CDK14: variants seen among roughly 807,000 people sequenced by gnomAD.
CDK14 encodes cyclin-dependent kinase 14.
A neutral mutation model predicts 60.7 loss-of-function variants in CDK14; 34 were observed. The observed-to-expected ratio is 0.56, with a 90% confidence interval of 0.43 to 0.75. The LOEUF is 0.75. CDK14 is among the 30% of genes least tolerant of loss of function. CDK14 has a pLI of 0.00. For missense variants in CDK14, 482 were observed against 564.1 expected, an observed-to-expected ratio of 0.85 and a Z score of 1.47; for synonymous variants, 197 against 203.7, an observed-to-expected ratio of 0.97 and a Z score of 0.28.
intron 4 of CDK14, among the ~76,000 whole-genome samples, chr7:90,778,846 A>ACTT (rs1554335031): frequency 1.4e-4 from 18 of 127,864 alleles, no homozygotes; most frequent in African/African-American, 5.2e-4. Flanking sequence ...AAATTGACCG[A>ACTT]CCTTCCTTCC....
At chr7:90,841,515 G>A (rs1035840513) in intron 5 of CDK14, among the ~76,000 whole-genome samples, 7 of 151,866 alleles carry the variant, frequency 4.6e-5, no homozygotes, top group Admixed American at 6.6e-5. Context: ...AATTTGGGGT[G>A]GTAACTAAAC....
At chr7:90,778,828 G>T (rs1183644481) in intron 4 of CDK14, among the ~76,000 whole-genome samples, 1 of 148,778 alleles carries the variant, frequency 6.7e-6, no homozygotes, top group Non-Finnish European at 1.5e-5. Flanking sequence ...CTTTCCTGTG[G>T]AATGTAAAAA....
At chr7:91,157,056 C>T (rs373328546) in intron 14 of CDK14, among the ~76,000 whole-genome samples, 20 of 152,154 alleles carry the variant, frequency 1.3e-4, no homozygotes, top group South Asian at 2.1e-4. Flanking sequence ...AACAGGGAAA[C>T]GTGGAAAAAG....
chr7:90,828,701 A>T (rs1315851000), intron 5 of CDK14, among the ~76,000 whole-genome samples: 1 of 152,156 alleles, frequency 6.6e-6, no homozygotes, highest in South Asian at 2.1e-4. Flanking sequence ...TTACCCACTG[A>T]CAGAACTGTA....
intron 12 of CDK14, among the ~76,000 whole-genome samples, chr7:91,102,146 GTGCAC>G (rs1799162533): frequency 6.6e-6 from 1 of 152,152 alleles, no homozygotes; most frequent in Non-Finnish European, 1.5e-5. Context: ...CCACAGAGAT[GTGCAC>G]TGTCAATTGA....
rs532681110 is a variant in CDK14, at chr7:91,171,305, G to T, written c.*29-35860G>T. Among the ~76,000 whole-genome samples the T allele has an allele frequency of 1.9e-4, 29 of 152,002 alleles. No homozygotes were observed. The East Asian group carries it at 5.3e-3, about 28-fold the overall frequency. ...GTGGAGCTTGCAGTGAGCCGAGATC[G>T]CGCCACTGCACTCCAGCCTGGGTGA... On this transcript the variant is annotated intron_variant, in intron 14 of 14. Transcript: ENST00000380050.
At chr7:90,681,762 C>CTA (rs1801323788) in intron 2 of CDK14, among the ~76,000 whole-genome samples, 1 of 152,096 alleles carries the variant, frequency 6.6e-6, no homozygotes, top group Non-Finnish European at 1.5e-5. Context: ...GACTTCAGCC[C>CTA]TAGTGTCTTT....
chr7:90,840,920 G>T (rs1334482736), intron 5 of CDK14, among the ~76,000 whole-genome samples: 1 of 151,856 alleles, frequency 6.6e-6, no homozygotes, highest in Non-Finnish European at 1.5e-5. Context: ...CATTGTGTCT[G>T]TTTAAAGTGC....
intron 2 of CDK14, among the ~76,000 whole-genome samples, chr7:90,686,385 A>T (rs1801436852): frequency 6.6e-6 from 1 of 152,202 alleles, no homozygotes; most frequent in Admixed American, 6.5e-5. Flanking sequence ...GTCTTGGATC[A>T]TTACCATGTC....
At chr7:90,959,497 G>T (rs1015874425) in intron 9 of CDK14, among the ~76,000 whole-genome samples, 31 of 152,246 alleles carry the variant, frequency 2.0e-4, no homozygotes, top group Middle Eastern at 3.4e-3. Flanking sequence ...TTGAGTCATG[G>T]CTCAGCTGCA....
At chr7:91,101,491 G>A (rs1799144753) in intron 12 of CDK14, among the ~76,000 whole-genome samples, 1 of 152,202 alleles carries the variant, frequency 6.6e-6, no homozygotes, top group Non-Finnish European at 1.5e-5. Flanking sequence ...AAGTGAATAA[G>A]TATTGAGTAT....
At chr7:90,889,735 A>T (rs926636883) in intron 6 of CDK14, among the ~76,000 whole-genome samples, 1 of 152,220 alleles carries the variant, frequency 6.6e-6, no homozygotes, top group African/African-American at 2.4e-5. Context: ...GCTTAAAACC[A>T]GGTAAAAATA....
At chr7:90,839,718 A>G (rs908540235) in intron 5 of CDK14, among the ~76,000 whole-genome samples, 2 of 152,198 alleles carry the variant, frequency 1.3e-5, no homozygotes, top group Non-Finnish European at 2.9e-5. Context: ...TTTCTCTAGT[A>G]TAAACTATTG....
intron 12 of CDK14, among the ~76,000 whole-genome samples, chr7:91,111,122 C>T (rs117268022): frequency 0.021 from 3,202 of 152,250 alleles, 51 homozygotes; most frequent in Middle Eastern, 0.058. Flanking sequence ...ACATTGAACC[C>T]ATTTGTGAGG....
At chr7:90,958,312 T>C (rs1215767379) in intron 9 of CDK14, among the ~76,000 whole-genome samples, 4 of 152,178 alleles carry the variant, frequency 2.6e-5, no homozygotes, top group Non-Finnish European at 5.9e-5. Context: ...CATGAGAACG[T>C]ATTTATTTTT....
chr7:90,612,024 G>A (rs1436642113), intron 2 of CDK14, among the ~76,000 whole-genome samples: 1 of 151,866 alleles, frequency 6.6e-6, no homozygotes, highest in Non-Finnish European at 1.5e-5. Context: ...GTAGAGACGG[G>A]GTTTCACCAG....
At chr7:90,747,916 T>G (rs76785739) in intron 4 of CDK14, 141 bp downstream of exon 4, 29 of 261,950 alleles carry the variant, frequency 1.1e-4, no homozygotes, top group Non-Finnish European at 1.5e-4. Flanking sequence ...TTTTTTTTTT[T>G]GGCAAGTGTG....
At chr7:90,859,116 C>A (rs1790922589) in intron 5 of CDK14, among the ~76,000 whole-genome samples, 1 of 152,186 alleles carries the variant, frequency 6.6e-6, no homozygotes, top group East Asian at 1.9e-4. Context: ...TCCTCTCTAC[C>A]ATAGTTAGTG....
chr7:90,634,292 C>T (rs1316900932), intron 2 of CDK14, among the ~76,000 whole-genome samples: 1 of 111,210 alleles, frequency 9.0e-6, no homozygotes, highest in African/African-American at 3.4e-5. Context: ...CCCCTCCCCC[C>T]ACCCCACAGC....
Sources: gnomAD v4.1 joint callset for allele counts (sites outside exome capture counted in the v4.1 genomes callset) on GRCh38, gnomAD v4.1.1 for gene constraint, MANE v1.5 for transcripts, NCBI Gene and HGNC (gene_info 2026-07-23, HGNC 2026-07-21) for gene names.